The following SUSD3 variants were observed in gnomAD, a reference collection of about 807,000 sequenced individuals.
SUSD3 encodes the protein sushi domain containing 3.
In SUSD3, 18 loss-of-function variants were observed where a neutral mutation model predicts 20.6. The observed-to-expected ratio is 0.87, with a 90% confidence interval of 0.60 to 1.30. The LOEUF is 1.30. SUSD3 is among the 50% of genes most tolerant of loss of function. SUSD3 has a pLI of 0.00. For missense variants in SUSD3, 306 were observed against 346.9 expected (o/e 0.88, Z 0.94); for synonymous variants, 137 against 141.5 (o/e 0.97, Z 0.23).
chr9:93,062,951 C>T (rs891186303), intron 1 of SUSD3, among the ~76,000 whole-genome samples: 3 of 152,182 alleles, frequency 2.0e-5, no homozygotes, highest in Non-Finnish European at 2.9e-5. Context: ...GCTGTGAGTT[C>T]GCTGTGAATC....
chr9:93,081,090 T>C (rs1826394339), intron 4 of SUSD3, among the ~76,000 whole-genome samples: 1 of 152,182 alleles, frequency 6.6e-6, no homozygotes, highest in Non-Finnish European at 1.5e-5. Flanking sequence ...TTTTGTGGGC[T>C]CCAGTTCTTG....
chr9:93,078,266 A>T (rs1165002584), intron 3 of SUSD3, among the ~76,000 whole-genome samples: 4 of 151,884 alleles, frequency 2.6e-5, no homozygotes, highest in South Asian at 2.1e-4. Flanking sequence ...TTATTTATTT[A>T]TTTTTTTTGA....
At chr9:93,061,705 T>C (rs377244342) in intron 1 of SUSD3, among the ~76,000 whole-genome samples, 75 of 152,300 alleles carry the variant, frequency 4.9e-4, no homozygotes, top group Middle Eastern at 6.8e-3. Flanking sequence ...GCCAGGGTCT[T>C]GGGGGTCCTG....
chr9:93,079,548 TCAA>T lies in SUSD3; in HGVS notation c.507_509del (p.Asn169del). On this transcript the variant is annotated inframe_deletion, in exon 4 of 5. Coordinates refer to ENST00000375472, the MANE Select transcript of SUSD3 (RefSeq NM_145006.4). ...GCCGCATACCTTGGCCTCAAGCACT[TCAA>T]CAAACCCGTGAGCGGGCCCAGCCAG... The T allele has an allele frequency of 6.2e-7, 1 of 1,614,000 alleles. No homozygotes were observed. The highest frequency in any genetic ancestry group is 8.5e-7 in the Non-Finnish European group (1 of 1,179,980).
At chr9:93,077,344 C>T (rs978934842) in intron 2 of SUSD3, among the ~76,000 whole-genome samples, 2 of 152,008 alleles carry the variant, frequency 1.3e-5, no homozygotes, top group African/African-American at 2.4e-5. Flanking sequence ...TGTCTATTGT[C>T]ACCTCCTCTC....
intron 1 of SUSD3, among the ~76,000 whole-genome samples, chr9:93,075,491 G>A (rs998917468): frequency 9.9e-5 from 14 of 141,780 alleles, no homozygotes; most frequent in African/African-American, 3.8e-4. Context: ...CCATGCCTCA[G>A]TGTCTCAGGG....
In SUSD3 at chr9:93,077,984, G is replaced by A. The variant is rs369578788; in HGVS notation, c.416G>A (p.Arg139His). The change falls in exon 3 of 5, where the codon CGC becomes CAC. Residue 139 changes from arginine (R) to histidine (H), a missense_variant. Coordinates refer to ENST00000375472, the MANE Select transcript of SUSD3 (RefSeq NM_145006.4). ...TGCGTGAAGAAGAGCAAGCGGCGGCGCTCCAACAGGTACGGTGGCCTCATG... is the reference window on the plus strand; with the variant it reads ...TGCGTGAAGAAGAGCAAGCGGCGGCACTCCAACAGGTACGGTGGCCTCATG... Reference protein sequence around the residue: ...LKCVKKSKRRRSNRSAQLWSQ... With the variant: ...LKCVKKSKRRHSNRSAQLWSQ... The A allele has an allele frequency of 3.2e-5, 52 of 1,614,082 alleles. No individual in the cohort carries two copies. The highest frequency in any genetic ancestry group is 1.1e-4 in the African/African-American group (8 of 74,938).
chr9:93,073,968 C>T lies in SUSD3; in HGVS notation c.89-1816C>T, dbSNP rs546048623. 3.3e-5 allele frequency among the ~76,000 whole-genome samples: 5 copies of T among 152,292 alleles called. No homozygotes were observed. The South Asian group carries it at 1.0e-3, about 32-fold the overall frequency. On this transcript the variant is annotated intron_variant, in intron 1 of 4. Transcript: ENST00000375472. ...AAGACCCTCTGCCCAGTTTGCTCAT[C>T]TGTCGATGGGGATAATGATGGTTCT... is the stretch of plus-strand genomic sequence containing the variant.
chr9:93,074,616 CTTTTTTTTTTT>C (rs989411910), intron 1 of SUSD3, among the ~76,000 whole-genome samples: 5 of 96,368 alleles, frequency 5.2e-5, no homozygotes, highest in African/African-American at 1.4e-4. Flanking sequence ...GCAGCAGATT[CTTTTTTTTTTT>C]TTTTTTTTTT....
chr9:93,068,767 T>C (rs1171783728), intron 1 of SUSD3, among the ~76,000 whole-genome samples: 1 of 152,178 alleles, frequency 6.6e-6, no homozygotes, highest in Non-Finnish European at 1.5e-5. Context: ...ATACAGTAGA[T>C]TCAATGAATA....
rs1328141717 is a variant in SUSD3, at chr9:93,076,037, G to A, written c.277+65G>A. ...GGGATGGCCCCAAATCCTGTCATGG[G>A]GATGGTGTGGGTGGGGATGGCGTGG... On this transcript the variant is annotated intron_variant, in intron 2 of 4. Coordinates refer to ENST00000375472, the MANE Select transcript of SUSD3 (RefSeq NM_145006.4). 4.2e-6 allele frequency: 6 copies of A among 1,426,832 alleles called. 1 individual carries two copies. The South Asian group carries it at 5.2e-5, about 12-fold the overall frequency. The allele number at this position is 1,426,832 out of a possible 1,614,324, so 88.4% of individuals were successfully genotyped here.
intron 2 of SUSD3, among the ~76,000 whole-genome samples, chr9:93,077,440 CT>C (rs1826210567): frequency 6.6e-6 from 1 of 152,038 alleles, no homozygotes; most frequent in African/African-American, 2.4e-5. Flanking sequence ...CCTGCCAGAA[CT>C]TCTGTAATTG....
At chr9:93,080,347 T>C (rs12004054) in intron 4 of SUSD3, among the ~76,000 whole-genome samples, 50,499 of 140,790 alleles carry the variant, frequency 0.36, 14,260 homozygotes, top group African/African-American at 0.79. Context: ...AAAACAAAAC[T>C]AACAGAAATC....
At chr9:93,064,839 A>T (rs1363718741) in intron 1 of SUSD3, among the ~76,000 whole-genome samples, 1 of 152,162 alleles carries the variant, frequency 6.6e-6, no homozygotes. Flanking sequence ...TGGAGAAGTG[A>T]CTGGGGTCTT....
intron 4 of SUSD3, 134 bp from the exon 5 acceptor site, chr9:93,084,403 A>G: frequency 1.3e-6 from 1 of 745,524 alleles, no homozygotes; most frequent in East Asian, 3.1e-5. Flanking sequence ...CAGCAGGAGG[A>G]AACGGGCTCC....
At chr9:93,082,867 T>A (rs1283226041) in intron 4 of SUSD3, among the ~76,000 whole-genome samples, 2 of 152,222 alleles carry the variant, frequency 1.3e-5, no homozygotes, top group Non-Finnish European at 2.9e-5. Context: ...CTGCTGCCGC[T>A]GCCGCAGGGG....
chr9:93,071,391 G>C (rs1271449666), intron 1 of SUSD3, among the ~76,000 whole-genome samples: 1 of 152,224 alleles, frequency 6.6e-6, no homozygotes, highest in Non-Finnish European at 1.5e-5. Context: ...GAATCCAAAA[G>C]CTGAAGAACT....
intron 1 of SUSD3, among the ~76,000 whole-genome samples, chr9:93,074,431 CAAAAAAAAAA>C (rs56872294): frequency 9.3e-4 from 36 of 38,876 alleles, no homozygotes; most frequent in African/African-American, 2.4e-3. Context: ...GACTCTGACT[CAAAAAAAAAA>C]AAAAAAAAAA....
At chr9:93,064,701 C>T (rs1825640387) in intron 1 of SUSD3, among the ~76,000 whole-genome samples, 1 of 152,192 alleles carries the variant, frequency 6.6e-6, no homozygotes, top group Non-Finnish European at 1.5e-5. Context: ...GGAGGAGCTG[C>T]TCCTTCTAAA....
Sources: gnomAD v4.1 joint callset for allele counts (sites outside exome capture counted in the v4.1 genomes callset) on GRCh38, gnomAD v4.1.1 for gene constraint, MANE v1.5 for transcripts, NCBI Gene and HGNC (gene_info 2026-07-23, HGNC 2026-07-21) for gene names.